The following PLCH1 variants were observed in gnomAD, a reference collection of about 807,000 sequenced individuals.
PLCH1 encodes the protein 1-phosphatidylinositol 4,5-bisphosphate phosphodiesterase eta-1.
A neutral mutation model predicts 126.7 loss-of-function variants in PLCH1; 60 were observed. That is an observed-to-expected ratio of 0.47 (90% CI 0.38 to 0.59). The LOEUF (loss-of-function observed/expected upper bound fraction) is 0.59. Ranked by LOEUF, PLCH1 falls within the 20% of genes least tolerant of loss-of-function variation. PLCH1 has a pLI of 0.00. For missense variants in PLCH1, 1,723 were observed against 2,040.0 expected (o/e 0.84, Z 2.99); for synonymous variants, 719 against 734.9 (o/e 0.98, Z 0.35).
chr3:155,609,309 C>G (rs1483883866), intron 2 of PLCH1, among the ~76,000 whole-genome samples: 1 of 152,150 alleles, frequency 6.6e-6, no homozygotes, highest in African/African-American at 2.4e-5. Context: ...CACTGCAGTT[C>G]AACTCTCAGG....
At chr3:155,617,160 C>T (rs1431747706) in intron 2 of PLCH1, among the ~76,000 whole-genome samples, 2 of 152,016 alleles carry the variant, frequency 1.3e-5, no homozygotes, top group African/African-American at 4.8e-5. Flanking sequence ...ATTTACTTGT[C>T]AATTGTGTCT....
At chr3:155,551,547 T>TC (rs1239942060) in intron 9 of PLCH1, among the ~76,000 whole-genome samples, 1 of 148,268 alleles carries the variant, frequency 6.7e-6, no homozygotes, top group Non-Finnish European at 1.5e-5. Context: ...AGGCAATTAT[T>TC]CCCCCCAGTA....
chr3:155,605,662 A>G (rs1166666956), intron 2 of PLCH1, among the ~76,000 whole-genome samples: 1 of 152,192 alleles, frequency 6.6e-6, no homozygotes, highest in Admixed American at 6.5e-5. Context: ...GCCCCATGCT[A>G]CAGCTCGGTA....
intron 2 of PLCH1, among the ~76,000 whole-genome samples, chr3:155,679,466 C>CATA (rs1744341110): frequency 6.6e-6 from 1 of 152,176 alleles, no homozygotes; most frequent in Admixed American, 6.5e-5. Context: ...ATAAATACTC[C>CATA]ATAAATAGAA....
chr3:155,695,096 A>T (rs1438674697), intron 2 of PLCH1, among the ~76,000 whole-genome samples: 1 of 152,098 alleles, frequency 6.6e-6, no homozygotes, highest in Non-Finnish European at 1.5e-5. Flanking sequence ...CTGCAATTAA[A>T]CAGCTTTACT....
chr3:155,484,681 C>T (rs1714738502), intron 22 of PLCH1, among the ~76,000 whole-genome samples: 1 of 152,300 alleles, frequency 6.6e-6, no homozygotes, highest in East Asian at 1.9e-4. Context: ...TTCTCTGGCA[C>T]ACTGCAAGGC....
intron 21 of PLCH1, among the ~76,000 whole-genome samples, chr3:155,469,914 A>G (rs1426768672): frequency 6.6e-6 from 1 of 152,124 alleles, no homozygotes; most frequent in East Asian, 1.9e-4. Context: ...TCCACACCAA[A>G]AACCCATCTG....
chr3:155,488,196 C>A, intron 20 of PLCH1, 89 bp from the exon 21 acceptor site: 1 of 734,960 alleles, frequency 1.4e-6, no homozygotes, highest in South Asian at 1.5e-5. Flanking sequence ...TCTGACTTGA[C>A]TGTAGTTCTT....
At chr3:155,617,046 T>C (rs1335753709) in intron 2 of PLCH1, among the ~76,000 whole-genome samples, 1 of 152,142 alleles carries the variant, frequency 6.6e-6, no homozygotes, top group African/African-American at 2.4e-5. Context: ...TTTATTTGGG[T>C]TATATCCATA....
intron 2 of PLCH1, among the ~76,000 whole-genome samples, chr3:155,642,303 C>G (rs1739486894): frequency 6.6e-6 from 1 of 152,128 alleles, no homozygotes; most frequent in Non-Finnish European, 1.5e-5. Flanking sequence ...TCACTGCATT[C>G]TTTAGTATAA....
chr3:155,563,552 C>T (rs1270310251), intron 8 of PLCH1, among the ~76,000 whole-genome samples: 1 of 151,970 alleles, frequency 6.6e-6, no homozygotes, highest in African/African-American at 2.4e-5. Flanking sequence ...TGGAATCCTC[C>T]CTTGGATTCA....
Position 155,488,799 on chromosome 3 carries a change from G to A in PLCH1, c.2400C>T (p.Asn800=), listed in dbSNP as rs1433147675. 1 of 1,605,880 alleles carries A rather than the reference G, an allele frequency of 6.2e-7. No individual in the cohort carries two copies. The highest frequency in any genetic ancestry group is 1.7e-5 in the Admixed American group (1 of 57,844). ...ATGTCAGTGTTTCTTCCCACACAGG[G>A]TTAAATCCTCAGAGAAATAGGAAAA... ...QTRVVDDNGF[N]PVWEETLTFT... is the part of the protein sequence containing the mutation. Residue 800 remains asparagine (N), a synonymous_variant, in exon 20 of 23, where the codon AAC becomes AAT. Coordinates refer to ENST00000460012, the MANE Select transcript of PLCH1 (RefSeq NM_014996.4).
At chr3:155,607,249 A>G (rs368275904) in intron 2 of PLCH1, among the ~76,000 whole-genome samples, 2 of 152,274 alleles carry the variant, frequency 1.3e-5, no homozygotes, top group African/African-American at 2.4e-5. Flanking sequence ...TAAAAAATGT[A>G]TTACTCTAAC....
intron 18 of PLCH1, among the ~76,000 whole-genome samples, chr3:155,492,284 C>T (rs1037406894): frequency 4.6e-5 from 7 of 152,224 alleles, no homozygotes; most frequent in African/African-American, 7.2e-5. Flanking sequence ...TTTAAAATCA[C>T]GCGACACAGG....
At chr3:155,592,175 A>G (rs917825589) in intron 4 of PLCH1, among the ~76,000 whole-genome samples, 1 of 25,430 alleles carries the variant, frequency 3.9e-5, no homozygotes, top group African/African-American at 9.5e-5. Context: ...TTTCTCTTTT[A>G]AAAAAAAAAA....
chr3:155,608,148 C>T (rs922819697), intron 2 of PLCH1, among the ~76,000 whole-genome samples: 2 of 152,126 alleles, frequency 1.3e-5, no homozygotes. Context: ...GCAGGAACAG[C>T]CCTGTAGGCA....
At chr3:155,687,650 T>C (rs1259024374) in intron 2 of PLCH1, among the ~76,000 whole-genome samples, 1 of 152,180 alleles carries the variant, frequency 6.6e-6, no homozygotes, top group Non-Finnish European at 1.5e-5. Flanking sequence ...AGATGGGTTC[T>C]TAGAAGCTCA....
intron 11 of PLCH1, among the ~76,000 whole-genome samples, chr3:155,518,728 C>A (rs1048378389): frequency 2.0e-5 from 3 of 151,692 alleles, no homozygotes; most frequent in Non-Finnish European, 4.4e-5. Flanking sequence ...GCATTTGCTG[C>A]GAGGACAAAA....
chr3:155,539,321 AG>A (rs1462121955), intron 10 of PLCH1, among the ~76,000 whole-genome samples: 3 of 152,196 alleles, frequency 2.0e-5, no homozygotes, highest in Non-Finnish European at 2.9e-5. Context: ...AAAAGCTGAA[AG>A]CATTCCCCCT....
Sources: allele counts gnomAD v4.1 joint callset (sites outside exome capture counted in the v4.1 genomes callset), GRCh38; gene constraint gnomAD v4.1.1; transcripts MANE v1.5; gene names NCBI Gene and HGNC (gene_info 2026-07-23, HGNC 2026-07-21).